Variants in PIAS2 observed in about 807,000 individuals in gnomAD.
The protein encoded by PIAS2 is E3 SUMO-protein ligase PIAS2.
In PIAS2, 19 loss-of-function variants were observed where a neutral mutation model predicts 69.7. That is an observed-to-expected ratio of 0.27 (90% confidence interval 0.19 to 0.40). PIAS2 has a LOEUF of 0.40. Among genes scored for constraint, PIAS2 ranks in the 10% least tolerant of loss-of-function variants. The probability of loss-of-function intolerance (pLI) is 1.00; values close to 1 mark genes in which losing one functional copy is unlikely to be tolerated. For missense variants in PIAS2, 624 were observed against 757.0 expected, an observed-to-expected ratio of 0.82 and a Z score of 2.06; for synonymous variants, 261 against 263.2, an observed-to-expected ratio of 0.99 and a Z score of 0.08.
At chr18:46,827,662 T>C (rs1266696889) in intron 11 of PIAS2, 3 of 247,478 alleles carry the variant, frequency 1.2e-5, no homozygotes, top group African/African-American at 2.2e-5. Flanking sequence ...TACACCAGAC[T>C]TTCTCATCTG....
chr18:46,916,948 C>G, intron 1 of PIAS2: 9 of 985,606 alleles, frequency 9.1e-6, no homozygotes, highest in Non-Finnish European at 1.1e-5. Context: ...GCCACAGACA[C>G]GTACACCCCG....
intron 2 of PIAS2, among the ~76,000 whole-genome samples, chr18:46,885,315 G>C (rs576879606): frequency 1.3e-5 from 2 of 152,038 alleles, no homozygotes; most frequent in African/African-American, 2.4e-5. Flanking sequence ...TCAGGAGTTC[G>C]AGACGAACCT....
rs1268210838 is a variant in PIAS2, at chr18:46,804,814, C to T, written c.*7619G>A. On this transcript the variant is annotated 3_prime_UTR_variant, in exon 14 of 14. Coordinates refer to ENST00000585916, the MANE Select transcript of PIAS2 (RefSeq NM_004671.5). ...TGGGGGCAGGATCCTGCCTTGTGTT[C>T]CAAGTGCCTGATACAATGCCTGGCA... 4.6e-5 allele frequency: 7 copies of T among 152,186 alleles called. No homozygotes were observed. The highest frequency in any genetic ancestry group is 1.7e-4 in the African/African-American group (7 of 41,430). The allele number at this position is 152,186 out of a possible 1,614,324, so 9.4% of individuals were successfully genotyped here.
chr18:46,812,989 T>C (rs2041123842), intron 13 of PIAS2, among the ~76,000 whole-genome samples: 2 of 152,204 alleles, frequency 1.3e-5, no homozygotes, highest in South Asian at 2.1e-4. Context: ...TTGTTGATCT[T>C]ACACCAGCAT....
intron 2 of PIAS2, among the ~76,000 whole-genome samples, chr18:46,889,581 G>T (rs955374227): frequency 6.6e-6 from 1 of 152,094 alleles, no homozygotes; most frequent in Admixed American, 6.5e-5. Context: ...GAAAATAAAA[G>T]TGTTGTTAAG....
At chr18:46,898,318 T>C (rs2055226564) in intron 1 of PIAS2, among the ~76,000 whole-genome samples, 1 of 151,882 alleles carries the variant, frequency 6.6e-6, no homozygotes, top group Non-Finnish European at 1.5e-5. Context: ...TGGCTAAATT[T>C]TGTATTTTAG....
In PIAS2 at chr18:46,807,551, C is replaced by G. The variant is rs933353078; in HGVS notation, c.*4882G>C. ...GGACTACAGGCGCCTGCCATCACAC[C>G]CACCTAATTTATGTTTTTGCTAGAG... On this transcript the variant is annotated 3_prime_UTR_variant, in exon 14 of 14. Transcript: ENST00000585916. The G allele has an allele frequency of 1.9e-4, 29 of 150,868 alleles. No homozygotes were observed. The highest frequency in any genetic ancestry group is 7.1e-4 in the African/African-American group (29 of 40,886). 9.3% of individuals were successfully genotyped at this position (150,868 alleles called of 1,614,324 possible).
chr18:46,917,103 G>GC, intron 1 of PIAS2: 1 of 989,868 alleles, frequency 1.0e-6, no homozygotes, highest in Middle Eastern at 5.2e-4. Context: ...GAGCCGGCTC[G>GC]CCGCGGCCCA....
chr18:46,863,780 T>C (rs750917478), intron 3 of PIAS2, among the ~76,000 whole-genome samples: 11 of 152,196 alleles, frequency 7.2e-5, no homozygotes, highest in Non-Finnish European at 1.5e-4. Context: ...ATGGACTGAA[T>C]TGTGTATCCC....
intron 1 of PIAS2, chr18:46,916,685 T>C (rs571327431): frequency 8.6e-6 from 3 of 347,148 alleles, no homozygotes; most frequent in South Asian, 1.1e-4. Flanking sequence ...CCTCACAACA[T>C]AGACTTTGCA....
intron 1 of PIAS2, among the ~76,000 whole-genome samples, chr18:46,912,931 C>T (rs1396235387): frequency 1.3e-5 from 2 of 152,120 alleles, no homozygotes; most frequent in African/African-American, 2.4e-5. Flanking sequence ...GTGATCCACC[C>T]GCCCCAGGCT....
chr18:46,812,873 T>C (rs1314845367), intron 13 of PIAS2, among the ~76,000 whole-genome samples: 1 of 152,172 alleles, frequency 6.6e-6, no homozygotes, highest in African/African-American at 2.4e-5. Flanking sequence ...AAGGTAAAAG[T>C]ACAATGTCAA....
At position 46,855,409 on chromosome 18, in the gene PIAS2, G is replaced by A; in HGVS notation, c.662C>T (p.Pro221Leu). The A allele has an allele frequency of 6.2e-7, 1 of 1,612,754 alleles. No homozygotes were observed. The change falls in exon 5 of 14, where the codon CCT becomes CTT. Residue 221 changes from proline to leucine, a missense_variant. Pro to Leu is a moderately conservative substitution (Grantham distance 98, BLOSUM62 -3). This residue lies in a region of PIAS2 where 339 missense variants were observed against 408.8 expected (regional missense o/e 0.83). Coordinates refer to ENST00000585916, the MANE Select transcript of PIAS2 (RefSeq NM_004671.5). ...ACTATTTGGATAGTTATCTTCTTGA[G>A]GGCAACTTGTCTCTGCCAGGCAAAG... The part of the protein sequence containing the change: ...LRLCLAETSC[P>L]QEDNYPNSLC...
At chr18:46,911,773 C>A (rs930499657) in intron 1 of PIAS2, among the ~76,000 whole-genome samples, 2 of 152,224 alleles carry the variant, frequency 1.3e-5, no homozygotes, top group African/African-American at 2.4e-5. Flanking sequence ...GGGCCGGGCT[C>A]AGCGGCTCAT....
chr18:46,855,652 C>A (rs1158006316), intron 3 of PIAS2, 37 bp from the exon 4 acceptor site: 1 of 1,499,222 alleles, frequency 6.7e-7, no homozygotes, highest in Non-Finnish European at 9.3e-7. Context: ...TAAAAAAGTA[C>A]AATGAGAATT....
intron 10 of PIAS2, among the ~76,000 whole-genome samples, chr18:46,828,426 T>C (rs760565063): frequency 9.2e-5 from 14 of 152,216 alleles, no homozygotes; most frequent in Non-Finnish European, 1.9e-4. Flanking sequence ...GTGCAGCTCC[T>C]ACTGCTCATC....
chr18:46,851,299 C>A (rs567231636), intron 5 of PIAS2, among the ~76,000 whole-genome samples: 2 of 152,224 alleles, frequency 1.3e-5, no homozygotes, highest in African/African-American at 4.8e-5. Context: ...ATCCTCTCTA[C>A]TCTTTGGGAT....
intron 2 of PIAS2, among the ~76,000 whole-genome samples, chr18:46,887,180 A>G (rs2053341175): frequency 6.6e-6 from 1 of 152,182 alleles, no homozygotes; most frequent in African/African-American, 2.4e-5. Flanking sequence ...TGAACGTAAT[A>G]AAGAGATAAA....
chr18:46,890,879 C>T lies in PIAS2; in HGVS notation c.200G>A (p.Arg67Gln), dbSNP rs775760594. The change falls in exon 2 of 14, where the codon CGA becomes CAA. Residue 67 changes from arginine (R) to glutamine (Q), a missense_variant. Coordinates refer to ENST00000585916, the MANE Select transcript of PIAS2 (RefSeq NM_004671.5). ...IRELYRRRYP[R>Q]TLEGLSDLST... ...TAAATCAGAAAGTCCTTCAAGAGTT[C>T]GTGGATATCGGCGTCTATACAATTC... 3 of 1,614,168 alleles carry T rather than the reference C, an allele frequency of 1.9e-6. No homozygotes were observed. Among genetic ancestry groups the T allele is most frequent in the South Asian group, 1.1e-5 (1 of 91,068 alleles).
Sources: gnomAD v4.1 joint callset for allele counts (sites outside exome capture counted in the v4.1 genomes callset) on GRCh38, gnomAD v4.1.1 for gene constraint, gnomAD v4.1.1 regional missense constraint, MANE v1.5 for transcripts, NCBI Gene and HGNC (gene_info 2026-07-23, HGNC 2026-07-21) for gene names.